Variants in KANSL1L observed in about 807,000 individuals in gnomAD.
KANSL1L encodes the protein KAT8 regulatory NSL complex subunit 1 like.
A neutral mutation model predicts 108.6 loss-of-function variants in KANSL1L; 25 were observed. The ratio of observed to expected loss-of-function variants is 0.23; its 90% CI spans 0.17 to 0.32. The LOEUF is 0.32. Ranked by LOEUF, KANSL1L falls within the 10% of genes least tolerant of loss-of-function variation. KANSL1L has a pLI of 1.00. For synonymous variants in KANSL1L, 405 were observed against 395.1 expected, an observed-to-expected ratio of 1.03 and a Z score of -0.30; for missense variants, 1,137 against 1,125.7, an observed-to-expected ratio of 1.01 and a Z score of -0.14.
chr2:210,137,524 T>C (rs1351531926), intron 2 of KANSL1L, among the ~76,000 whole-genome samples: 1 of 152,192 alleles, frequency 6.6e-6, no homozygotes, highest in Non-Finnish European at 1.5e-5. Context: ...CAGAATGAAT[T>C]ACATACATTT....
intron 1 of KANSL1L, among the ~76,000 whole-genome samples, chr2:210,162,129 G>A (rs1036966012): frequency 1.4e-5 from 2 of 145,090 alleles, no homozygotes; most frequent in African/African-American, 5.0e-5. Flanking sequence ...CTAATTGGAC[G>A]TATCCAGCTG....
chr2:210,129,676 ATTT>A (rs1327845251), intron 2 of KANSL1L, among the ~76,000 whole-genome samples: 1 of 152,178 alleles, frequency 6.6e-6, no homozygotes, highest in African/African-American at 2.4e-5. Flanking sequence ...TATTTAAATC[ATTT>A]TTTAAAAGCT....
At position 210,113,402 on chromosome 2, in the gene KANSL1L, C is replaced by A. The variant is rs763461533; in HGVS notation, c.1231-9101G>T. Among the ~76,000 whole-genome samples the A allele has an allele frequency of 2.2e-4, 33 of 151,884 alleles. No homozygotes were observed. The Middle Eastern group carries it at 0.01, about 47-fold the overall frequency. ...GGCTTATTCTTGCCACACCGACAAC[C>A]TACAACAATAGAGAAAAACAAAATA... On this transcript the variant is annotated intron_variant, in intron 3 of 14. Transcript: ENST00000281772.
At chr2:210,114,418 TGA>T (rs1280002401) in intron 3 of KANSL1L, among the ~76,000 whole-genome samples, 3 of 152,206 alleles carry the variant, frequency 2.0e-5, no homozygotes, top group East Asian at 3.9e-4. Flanking sequence ...AAACAAAAGC[TGA>T]GAGAGTCATT....
intron 8 of KANSL1L, among the ~76,000 whole-genome samples, chr2:210,034,211 A>G (rs2094067696): frequency 6.6e-6 from 1 of 152,234 alleles, no homozygotes; most frequent in Non-Finnish European, 1.5e-5. Context: ...TACAGGTGTT[A>G]AGGAATGCAA....
chr2:210,143,869 T>C (rs1172996643), intron 2 of KANSL1L, among the ~76,000 whole-genome samples: 2 of 152,206 alleles, frequency 1.3e-5, no homozygotes, highest in South Asian at 2.1e-4. Flanking sequence ...AAACAAGTGA[T>C]TTATACACCA....
chr2:210,162,231 T>TATATATATATATATAA (rs2095365656), intron 1 of KANSL1L, among the ~76,000 whole-genome samples: 1 of 142,082 alleles, frequency 7.0e-6, no homozygotes, highest in East Asian at 2.1e-4. Context: ...GGTATATATA[T>TATATATATATATATAA]ATATATATAT....
chr2:210,038,894 TTAAG>T (rs754660411), intron 8 of KANSL1L, among the ~76,000 whole-genome samples: 4 of 151,920 alleles, frequency 2.6e-5, no homozygotes, highest in Non-Finnish European at 5.9e-5. Context: ...ACTTAAATAA[TTAAG>T]TAATATAAAG....
rs2095187162 is a variant in KANSL1L at position 210,137,721 on chromosome 2, AATAAT to A, written c.1089-8554_1089-8550del. Among the ~76,000 whole-genome samples the A allele has an allele frequency of 2.6e-5, 4 of 152,286 alleles. No individual in the cohort carries two copies. The South Asian group carries it at 8.3e-4, about 32-fold the overall frequency. ...ATAACATAATTCCCTGGGGTGGGAA[AATAAT>A]ATAATATTAATTCTATACATCTGGC... On this transcript the variant is annotated intron_variant, in intron 2 of 14. Transcript: ENST00000281772.
chr2:210,118,863 A>G (rs2094984588), intron 3 of KANSL1L, among the ~76,000 whole-genome samples: 2 of 150,128 alleles, frequency 1.3e-5, no homozygotes, highest in African/African-American at 4.9e-5. Flanking sequence ...AAAAAAAAAA[A>G]GTCCTCTATT....
intron 5 of KANSL1L, chr2:210,096,723 C>T (rs1559552341): frequency 1.0e-5 from 10 of 955,328 alleles, no homozygotes; most frequent in Non-Finnish European, 1.2e-5. Context: ...TTATCCTATA[C>T]AATATGTAAG....
At chr2:210,028,701 A>AT (rs926951333) in intron 11 of KANSL1L, 144 bp downstream of exon 11, 323 of 621,470 alleles carry the variant, frequency 5.2e-4, no homozygotes, top group Non-Finnish European at 6.0e-4. Flanking sequence ...GGCACGAGTA[A>AT]TTTTTTTTTC....
intron 2 of KANSL1L, among the ~76,000 whole-genome samples, chr2:210,140,896 T>C (rs2095221800): frequency 6.6e-6 from 1 of 152,274 alleles, no homozygotes; most frequent in East Asian, 1.9e-4. Flanking sequence ...GCATTTTAAG[T>C]AGGATGGTTT....
intron 6 of KANSL1L, among the ~76,000 whole-genome samples, chr2:210,053,824 T>C (rs951010244): frequency 6.6e-6 from 1 of 152,092 alleles, no homozygotes; most frequent in Non-Finnish European, 1.5e-5. Context: ...TATATGTATA[T>C]ATCAGAAAAA....
chr2:210,136,436 C>G (rs1032009872), intron 2 of KANSL1L, among the ~76,000 whole-genome samples: 3 of 152,080 alleles, frequency 2.0e-5, no homozygotes, highest in Admixed American at 1.3e-4. Flanking sequence ...TGTGTAACAT[C>G]AAACATTGAC....
chr2:210,061,465 T>A (rs1357309771), intron 6 of KANSL1L, among the ~76,000 whole-genome samples: 3 of 152,214 alleles, frequency 2.0e-5, no homozygotes, highest in Non-Finnish European at 2.9e-5. Flanking sequence ...CATATTATGA[T>A]CAGATAAACA....
At chr2:210,159,810 G>A (rs1325112570) in intron 1 of KANSL1L, among the ~76,000 whole-genome samples, 4 of 152,194 alleles carry the variant, frequency 2.6e-5, no homozygotes, top group African/African-American at 7.2e-5. Flanking sequence ...CCAGCACTTT[G>A]GGAGGCCGAG....
chr2:210,104,426 A>G (rs766280779), intron 3 of KANSL1L, 125 bp from the exon 4 acceptor site: 1 of 675,778 alleles, frequency 1.5e-6, no homozygotes, highest in Non-Finnish European at 2.5e-6. Context: ...TATAAACTTG[A>G]TAGTTTAACT....
intron 8 of KANSL1L, among the ~76,000 whole-genome samples, chr2:210,034,888 A>G (rs1050980185): frequency 6.6e-5 from 10 of 152,234 alleles, no homozygotes; most frequent in Middle Eastern, 3.4e-3. Flanking sequence ...AGAACAAAAA[A>G]TTTCTGTATA....
Sources: gnomAD v4.1 joint callset for allele counts (sites outside exome capture counted in the v4.1 genomes callset) on GRCh38, gnomAD v4.1.1 for gene constraint, MANE v1.5 for transcripts, NCBI Gene and HGNC (gene_info 2026-07-23, HGNC 2026-07-21) for gene names.